Variants in NAF1 observed in about 807,000 individuals in gnomAD.
NAF1 encodes the protein H/ACA ribonucleoprotein complex non-core subunit NAF1.
In NAF1, 11 loss-of-function variants were observed where a neutral mutation model predicts 40.6. The observed-to-expected ratio is 0.27, with a 90% CI of 0.17 to 0.45. The LOEUF (loss-of-function observed/expected upper bound fraction) is 0.45, where lower values mean the gene tolerates loss of function less well. Ranked by LOEUF, NAF1 falls within the 20% of genes least tolerant of loss-of-function variation. The probability of loss-of-function intolerance (pLI) is 1.00; values close to 1 mark genes in which losing one functional copy is unlikely to be tolerated. For missense variants in NAF1, 607 were observed against 611.1 expected, an observed-to-expected ratio of 0.99 and a Z score of 0.07; for synonymous variants, 260 against 228.5, an observed-to-expected ratio of 1.14 and a Z score of -1.24.
downstream of NAF1, chr4:163,126,758 G>C: frequency 2.8e-6 from 1 of 358,188 alleles, no homozygotes. Flanking sequence ...GTGAAAGGAA[G>C]AGCCAATTAA....
intron 2 of NAF1, among the ~76,000 whole-genome samples, chr4:163,159,141 T>G (rs1732115500): frequency 6.6e-6 from 1 of 152,120 alleles, no homozygotes; most frequent in South Asian, 2.1e-4. Context: ...ACACAGGACA[T>G]AAATGGATAC....
At chr4:163,110,213 T>C (rs1730118071) in exon 3 of NAF1, 5 of 678,668 alleles carry the variant, frequency 7.4e-6, no homozygotes, top group South Asian at 1.6e-5. Flanking sequence ...AGCCATACCA[T>C]CATTTGAGGA....
chr4:163,129,987 C>A (rs1730807904), intron 7 of NAF1, among the ~76,000 whole-genome samples: 1 of 152,134 alleles, frequency 6.6e-6, no homozygotes. Context: ...GAACTTCTAC[C>A]CTCATCCAGC....
At chr4:163,128,331 TAATA>T (rs1466797832), downstream of NAF1, among the ~76,000 whole-genome samples, 5 of 152,152 alleles carry the variant, frequency 3.3e-5, no homozygotes, top group Non-Finnish European at 7.4e-5. Flanking sequence ...TGCCTATGCA[TAATA>T]AATATTTTTT....
intron 2 of NAF1, chr4:163,110,405 C>G (rs1325627879): frequency 1.6e-6 from 1 of 622,438 alleles, no homozygotes; most frequent in African/African-American, 1.8e-5. Context: ...TGTTGTTAAT[C>G]TCTTACTGTG....
At chr4:163,112,001 G>C (rs771797133) in intron 2 of NAF1, among the ~76,000 whole-genome samples, 4 of 152,114 alleles carry the variant, frequency 2.6e-5, no homozygotes, top group African/African-American at 9.7e-5. Context: ...CACTAATGGA[G>C]GGGGAAGCCT....
chr4:163,110,627 A>C (rs931476642), intron 2 of NAF1, among the ~76,000 whole-genome samples: 1 of 152,210 alleles, frequency 6.6e-6, no homozygotes, highest in Non-Finnish European at 1.5e-5. Context: ...TGGAAATCTA[A>C]GGTCAAGCAA....
At chr4:163,158,048 T>C (rs1182445958) in intron 2 of NAF1, among the ~76,000 whole-genome samples, 1 of 152,078 alleles carries the variant, frequency 6.6e-6, no homozygotes, top group Admixed American at 6.5e-5. Flanking sequence ...CACTCACAAA[T>C]ATGGAAAAAG....
chr4:163,166,635 A>G lies in NAF1; in HGVS notation c.93T>C (p.Ser31=), dbSNP rs1282142543. Residue 31 remains serine (S), a synonymous_variant, in exon 1 of 8, where the codon TCT becomes TCC. Coordinates refer to ENST00000274054, the MANE Select transcript of NAF1 (RefSeq NM_138386.3). The part of the protein sequence containing the change: ...FGVGEGPAAP[S]PGSAPVPGTQ... Reference sequence around the variant, plus strand: ...TCCCTGGCACAGGGGCAGAGCCCGGAGACGGAGCCGCCGGACCTTCCCCAA... The same window carrying G: ...TCCCTGGCACAGGGGCAGAGCCCGGGGACGGAGCCGCCGGACCTTCCCCAA... 1 of 1,612,300 alleles carries G rather than the reference A, an allele frequency of 6.2e-7. No individual in the cohort carries two copies. The highest frequency in any genetic ancestry group is 1.7e-5 in the Admixed American group (1 of 59,932).
At chr4:163,150,264 TG>T (rs1731646578) in intron 2 of NAF1, among the ~76,000 whole-genome samples, 1 of 152,092 alleles carries the variant, frequency 6.6e-6, no homozygotes, top group Admixed American at 6.5e-5. Context: ...AAGTAAAACA[TG>T]TTCCTATTTT....
At position 163,158,083 on chromosome 4, in the gene NAF1, G is replaced by C. The variant is rs115900927; in HGVS notation, c.540+6134C>G. On this transcript the variant is annotated intron_variant, in intron 2 of 7. Transcript: ENST00000274054. The stretch of plus-strand genomic sequence containing the variant: ...GGACAACAGAGGTTGGTGGGAGAAG[G>C]AATCAAACATTCCAAATGAAAACTA... The C allele has an allele frequency of 2.6e-5, 4 of 152,180 alleles. No homozygotes were observed. In the East Asian group the frequency reaches 7.7e-4, roughly 29 times the overall value. The allele number at this position is 152,180 out of a possible 1,614,324, so 9.4% of individuals were successfully genotyped here.
chr4:163,119,943 T>A (rs1730468297), intron 2 of NAF1: 1 of 152,232 alleles, frequency 6.6e-6, no homozygotes, highest in Non-Finnish European at 1.5e-5. Context: ...ACTTACGTTG[T>A]TGCCAACAAA....
At chr4:163,143,904 A>C (rs933729805) in intron 4 of NAF1, 1 of 395,634 alleles carries the variant, frequency 2.5e-6, no homozygotes, top group African/African-American at 2.2e-5. Context: ...AGACGAATAG[A>C]GTATTCTAAT....
Position 163,164,350 on chromosome 4 carries a change from G to A in NAF1, c.407C>T (p.Ser136Leu), listed in dbSNP as rs1490987163. Residue 136 changes from serine (S) to leucine (L), a missense_variant, in exon 2 of 8, where the codon TCA becomes TTA. Physicochemically the swap from Ser to Leu is moderately radical, Grantham distance 145. Around this residue, in one of 3 missense-constraint regions of NAF1, gnomAD observed 407 missense variants for 365.5 expected, o/e 1.11. Coordinates refer to ENST00000274054, the MANE Select transcript of NAF1 (RefSeq NM_138386.3). ...GGAAGAAGACGACGATGAGGAAGAT[G>A]AAGAGGAAGACGATGAACTTGAACT... ...SDSSSSSSSS[S>L]SSSSSSSSSC... 5.6e-6 allele frequency: 9 copies of A among 1,595,566 alleles called. No individual in the cohort carries two copies. The highest frequency in any genetic ancestry group is 7.7e-6 in the Non-Finnish European group (9 of 1,171,294).
At chr4:163,127,698 G>A (rs1436328739), downstream of NAF1, among the ~76,000 whole-genome samples, 3 of 152,168 alleles carry the variant, frequency 2.0e-5, no homozygotes, top group Non-Finnish European at 4.4e-5. Flanking sequence ...TACCAAGGCA[G>A]AGCCTCTCAA....
intron 4 of NAF1, 57 bp from the exon 5 acceptor site, chr4:163,140,440 A>G: frequency 6.8e-7 from 1 of 1,463,378 alleles, no homozygotes; most frequent in South Asian, 1.3e-5. Flanking sequence ...TTGAAAAGTC[A>G]GCAGTGTTTT....
intron 5 of NAF1, among the ~76,000 whole-genome samples, chr4:163,138,871 CTTT>C (rs761844706): frequency 6.6e-6 from 1 of 152,054 alleles, no homozygotes; most frequent in South Asian, 2.1e-4. Context: ...ACAGCAGTAT[CTTT>C]ATATTCAAAG....
At chr4:163,164,772 C>A (rs1730121004) in intron 1 of NAF1, among the ~76,000 whole-genome samples, 1 of 152,186 alleles carries the variant, frequency 6.6e-6, no homozygotes, top group Admixed American at 6.5e-5. Flanking sequence ...CTCTTAGTCA[C>A]AACCACCAGA....
At chr4:163,131,641 G>GA (rs1407678323) in intron 7 of NAF1, among the ~76,000 whole-genome samples, 6 of 152,146 alleles carry the variant, frequency 3.9e-5, no homozygotes, top group South Asian at 4.2e-4. Flanking sequence ...AACTTTTAGG[G>GA]AAAAAATAGA....
Sources: gnomAD v4.1 joint callset for allele counts (sites outside exome capture counted in the v4.1 genomes callset) on GRCh38, gnomAD v4.1.1 for gene constraint, gnomAD v4.1.1 regional missense constraint, MANE v1.5 for transcripts, NCBI Gene and HGNC (gene_info 2026-07-23, HGNC 2026-07-21) for gene names.